The following PLCL1 variants were observed in gnomAD, a reference collection of about 807,000 sequenced individuals.
PLCL1 encodes the protein inactive phospholipase C-like protein 1.
PLCL1 carries 41 observed loss-of-function variants against 84.4 expected under a neutral mutation model. The ratio of observed to expected loss-of-function variants is 0.49; its 90% CI spans 0.38 to 0.63. The LOEUF (loss-of-function observed/expected upper bound fraction) is 0.63, where lower values mean the gene tolerates loss of function less well. Ranked by LOEUF, PLCL1 falls within the 30% of genes least tolerant of loss-of-function variation. The probability of loss-of-function intolerance (pLI) is 0.00; values close to 1 mark genes in which losing one functional copy is unlikely to be tolerated. For synonymous variants in PLCL1, 490 were observed against 488.3 expected, an observed-to-expected ratio of 1.00 and a Z score of -0.05; for missense variants, 1,206 against 1,367.8, an observed-to-expected ratio of 0.88 and a Z score of 1.87.
chr2:198,124,907 C>T (rs1466550199), intron 5 of PLCL1, among the ~76,000 whole-genome samples: 2 of 152,126 alleles, frequency 1.3e-5, no homozygotes, highest in African/African-American at 4.8e-5. Context: ...CATAGGTGTG[C>T]TATTTTAAGT....
In PLCL1 at chr2:198,148,587, A is replaced by G. The variant is rs1056461030; in HGVS notation, c.*1625A>G. 1 of 152,354 alleles carries G rather than the reference A, an allele frequency of 6.6e-6. No homozygotes were observed. The highest frequency in any genetic ancestry group is 1.5e-5 in the Non-Finnish European group (1 of 68,044). The allele number at this position is 152,354 out of a possible 1,614,324, so 9.4% of individuals were successfully genotyped here. ...GAAGTCATTTGAAGGCAAGTTTCCA[A>G]TGATGCTACAATGGCCTGAAAAAAT... On this transcript the variant is annotated 3_prime_UTR_variant, in exon 6 of 6. Coordinates refer to ENST00000428675, the MANE Select transcript of PLCL1 (RefSeq NM_006226.4).
chr2:198,134,979 A>G (rs1366726070), intron 5 of PLCL1, among the ~76,000 whole-genome samples: 1 of 152,236 alleles, frequency 6.6e-6, no homozygotes, highest in African/African-American at 2.4e-5. Context: ...ATTTAACAGT[A>G]ACTTTTTAGA....
chr2:198,048,788 A>G (rs1288701362), intron 1 of PLCL1, among the ~76,000 whole-genome samples: 2 of 152,246 alleles, frequency 1.3e-5, no homozygotes, highest in South Asian at 2.1e-4. Context: ...TATGGAAGGA[A>G]CAAATAACCA....
intron 1 of PLCL1, among the ~76,000 whole-genome samples, chr2:197,927,162 A>G (rs1688847340): frequency 1.3e-5 from 2 of 152,210 alleles, no homozygotes; most frequent in South Asian, 2.1e-4. Flanking sequence ...TTCAAGGAAA[A>G]TAGTAGGGAA....
At chr2:198,061,676 T>A (rs1037346424) in intron 1 of PLCL1, among the ~76,000 whole-genome samples, 1 of 152,216 alleles carries the variant, frequency 6.6e-6, no homozygotes, top group Non-Finnish European at 1.5e-5. Context: ...CTCGGTTTAC[T>A]GCAACTTCCA....
At position 198,137,164 on chromosome 2, in the gene PLCL1, A is replaced by T. The variant is rs369712626; in HGVS notation, c.3106-9616A>T. Among the ~76,000 whole-genome samples, 22 of 152,272 alleles carry T rather than the reference A, an allele frequency of 1.4e-4. No individual in the cohort carries two copies. The East Asian group carries it at 3.9e-3, about 27-fold the overall frequency. On this transcript the variant is annotated intron_variant, in intron 5 of 5. Coordinates refer to ENST00000428675, the MANE Select transcript of PLCL1 (RefSeq NM_006226.4). ...TAAAAAAACACAAAAAAACAAATAA[A>T]CAATATAGAGATTAAGAAAAACAAC...
chr2:198,057,688 A>G (rs1438343623), intron 1 of PLCL1, among the ~76,000 whole-genome samples: 3 of 152,248 alleles, frequency 2.0e-5, no homozygotes, highest in East Asian at 1.9e-4. Context: ...GCTCTTTTCT[A>G]TCATACTACC....
rs1690433757 is a variant in PLCL1 at position 197,804,943 on chromosome 2, G to GCCGCCT, written c.-152_-151insTCCGCC. On this transcript the variant is annotated 5_prime_UTR_variant, in exon 1 of 6. Transcript: ENST00000428675. ...AGCGATGTCCCCTCTCCAGAAAGTTGCCGCCGCCGCCGCCGCCGCCGCCAC... is the reference window on the plus strand; with the variant it reads ...AGCGATGTCCCCTCTCCAGAAAGTTGCCGCCTCCGCCGCCGCCGCCGCCGCCGCCAC... 2 of 695,262 alleles carry GCCGCCT rather than the reference G, an allele frequency of 2.9e-6. No individual in the cohort carries two copies. The highest frequency in any genetic ancestry group is 2.1e-6 in the Non-Finnish European group (1 of 486,240). The allele number at this position is 695,262 out of a possible 1,614,324, so 43.1% of individuals were successfully genotyped here.
chr2:197,886,552 G>A (rs1270422384), intron 1 of PLCL1, among the ~76,000 whole-genome samples: 1 of 150,472 alleles, frequency 6.6e-6, no homozygotes, highest in South Asian at 2.1e-4. Flanking sequence ...GAAGGTTTGT[G>A]GAAAAAAAAA....
chr2:198,119,779 A>G (rs770042687), intron 5 of PLCL1, among the ~76,000 whole-genome samples: 1 of 151,948 alleles, frequency 6.6e-6, no homozygotes, highest in African/African-American at 2.4e-5. Context: ...TCTTTTTCTC[A>G]TACAAAATCC....
chr2:197,838,671 A>C (rs2105665849), intron 1 of PLCL1, among the ~76,000 whole-genome samples: 1 of 152,314 alleles, frequency 6.6e-6, no homozygotes, highest in Non-Finnish European at 1.5e-5. Context: ...TATATCACAA[A>C]GGATTGAAAT....
chr2:197,843,885 T>G (rs1687066906), intron 1 of PLCL1, among the ~76,000 whole-genome samples: 1 of 152,174 alleles, frequency 6.6e-6, no homozygotes, highest in Admixed American at 6.6e-5. Flanking sequence ...TAATCATGGA[T>G]TTCTGAATCA....
intron 1 of PLCL1, among the ~76,000 whole-genome samples, chr2:197,834,661 G>A (rs1691144840): frequency 6.6e-6 from 1 of 152,206 alleles, no homozygotes; most frequent in Non-Finnish European, 1.5e-5. Context: ...ACATGCTGCA[G>A]AGGATATGGA....
chr2:197,987,483 C>G (rs1346752306), intron 1 of PLCL1, among the ~76,000 whole-genome samples: 1 of 152,154 alleles, frequency 6.6e-6, no homozygotes. Flanking sequence ...ATTCAAACCT[C>G]ACTTCAATCA....
At chr2:198,101,545 G>A (rs959447074) in intron 4 of PLCL1, among the ~76,000 whole-genome samples, 185 bp downstream of exon 4, 1 of 151,906 alleles carries the variant, frequency 6.6e-6, no homozygotes, top group African/African-American at 2.4e-5. Flanking sequence ...AAATCCAAGT[G>A]ATAATAGGTG....
At chr2:198,047,070 A>T (rs1691821845) in intron 1 of PLCL1, among the ~76,000 whole-genome samples, 1 of 152,122 alleles carries the variant, frequency 6.6e-6, no homozygotes, top group South Asian at 2.1e-4. Flanking sequence ...CCAGGGTTCT[A>T]AAGGAATCTA....
At chr2:197,926,946 T>G (rs753515903) in intron 1 of PLCL1, among the ~76,000 whole-genome samples, 58 of 152,296 alleles carry the variant, frequency 3.8e-4, no homozygotes, top group Middle Eastern at 3.4e-3. Flanking sequence ...GGGCAAGGGC[T>G]GCTACCTGTT....
intron 1 of PLCL1, among the ~76,000 whole-genome samples, chr2:198,038,209 C>A (rs1161224922): frequency 6.6e-6 from 1 of 151,182 alleles, no homozygotes; most frequent in Admixed American, 6.6e-5. Flanking sequence ...AAAGTGTGTA[C>A]ACACACACAC....
chr2:197,876,906 G>A (rs139029538), intron 1 of PLCL1, among the ~76,000 whole-genome samples: 1 of 152,228 alleles, frequency 6.6e-6, no homozygotes, highest in African/African-American at 2.4e-5. Flanking sequence ...ATTTAGATGA[G>A]CGTAAAGCTC....
Sources: allele counts gnomAD v4.1 joint callset (sites outside exome capture counted in the v4.1 genomes callset), GRCh38; gene constraint gnomAD v4.1.1; transcripts MANE v1.5; gene names NCBI Gene and HGNC (gene_info 2026-07-23, HGNC 2026-07-21).